Variants in RANBP2 observed in about 807,000 individuals in gnomAD.
RANBP2 encodes the protein RAN binding protein 2.
A neutral mutation model predicts 303.6 loss-of-function variants in RANBP2; 57 were observed. The observed-to-expected ratio is 0.19, with a 90% CI of 0.15 to 0.23. RANBP2 has a LOEUF of 0.23. Ranked by LOEUF, RANBP2 falls within the 10% of genes least tolerant of loss-of-function variation. The probability of loss-of-function intolerance (pLI) is 1.00; values close to 1 mark genes in which losing one functional copy is unlikely to be tolerated. For synonymous variants in RANBP2, 1,167 were observed against 1,301.5 expected, an observed-to-expected ratio of 0.90 and a Z score of 2.23; for missense variants, 3,138 against 3,780.8, an observed-to-expected ratio of 0.83 and a Z score of 4.46.
At chr2:109,577,224 T>G in the RANBP2 span, among the ~76,000 whole-genome samples, 1 of 152,162 alleles carries the variant, frequency 6.6e-6, no homozygotes, top group African/African-American at 2.4e-5. Context: ...TTCAAGTATG[T>G]GAGCGACACA....
the RANBP2 span, among the ~76,000 whole-genome samples, chr2:109,339,745 G>A: frequency 2.0e-5 from 3 of 152,168 alleles, no homozygotes; most frequent in African/African-American, 7.2e-5. Flanking sequence ...GCAAATACCA[G>A]CTCACAGCAT....
At chr2:109,663,633 A>T in the RANBP2 span, among the ~76,000 whole-genome samples, 1 of 152,228 alleles carries the variant, frequency 6.6e-6, no homozygotes, top group East Asian at 1.9e-4. Flanking sequence ...ACTCACAACT[A>T]TATTAGGAAG....
chr2:108,805,714 G>A, the RANBP2 span, among the ~76,000 whole-genome samples: 56 of 151,596 alleles, frequency 3.7e-4, no homozygotes, highest in African/African-American at 1.3e-3. Flanking sequence ...GCGACAGAGC[G>A]AGACTGTCTC....
At chr2:108,778,584 A>C (rs1286242709) in intron 25 of RANBP2, among the ~76,000 whole-genome samples, 3 of 152,238 alleles carry the variant, frequency 2.0e-5, no homozygotes, top group Non-Finnish European at 4.4e-5. Context: ...TATATTACAA[A>C]TACTTTTACA....
At chr2:108,814,832 C>T in the RANBP2 span, among the ~76,000 whole-genome samples, 2 of 151,834 alleles carry the variant, frequency 1.3e-5, no homozygotes, top group Non-Finnish European at 1.5e-5. Context: ...GACAGCGTTT[C>T]ACCATGTTGG....
chr2:109,395,581 G>A, the RANBP2 span, among the ~76,000 whole-genome samples: 9 of 152,158 alleles, frequency 5.9e-5, no homozygotes, highest in African/African-American at 1.2e-4. Context: ...TTTCAGCACC[G>A]GCCTTCGGCT....
the RANBP2 span, among the ~76,000 whole-genome samples, chr2:109,091,962 T>C: frequency 6.6e-6 from 1 of 151,950 alleles, no homozygotes; most frequent in Non-Finnish European, 1.5e-5. Flanking sequence ...TCTCCCTAAC[T>C]AGTAGGAAGA....
chr2:109,008,912 AAAAG>A, the RANBP2 span, among the ~76,000 whole-genome samples: 1 of 150,488 alleles, frequency 6.6e-6, no homozygotes, highest in African/African-American at 2.5e-5. Flanking sequence ...AAAAAAAAAG[AAAAG>A]AAAAGAAAAG....
chr2:109,475,684 G>A, the RANBP2 span, among the ~76,000 whole-genome samples: 1 of 152,296 alleles, frequency 6.6e-6, no homozygotes, highest in Non-Finnish European at 1.5e-5. Context: ...TTTCTACTTT[G>A]TGGATGCCAG....
At chr2:109,171,159 A>T in the RANBP2 span, among the ~76,000 whole-genome samples, 2 of 152,162 alleles carry the variant, frequency 1.3e-5, no homozygotes, top group Non-Finnish European at 2.9e-5. Flanking sequence ...GTTTTGTTTT[A>T]TATATATGTA....
the RANBP2 span, among the ~76,000 whole-genome samples, chr2:109,410,377 A>G: frequency 6.6e-6 from 1 of 152,256 alleles, no homozygotes; most frequent in Non-Finnish European, 1.5e-5. Context: ...GGCACTGCAC[A>G]GTCAGACTGA....
the RANBP2 span, among the ~76,000 whole-genome samples, chr2:109,697,631 T>C: frequency 6.6e-6 from 1 of 152,208 alleles, no homozygotes; most frequent in African/African-American, 2.4e-5. Context: ...ATCTTTTTTG[T>C]AACTTCTTTG....
At chr2:109,427,185 T>C in the RANBP2 span, among the ~76,000 whole-genome samples, 2 of 152,218 alleles carry the variant, frequency 1.3e-5, no homozygotes, top group African/African-American at 4.8e-5. Context: ...TCCCAGCTGG[T>C]CTCAAACTCC....
At chr2:109,487,831 G>C in the RANBP2 span, among the ~76,000 whole-genome samples, 1 of 152,188 alleles carries the variant, frequency 6.6e-6, no homozygotes, top group East Asian at 1.9e-4. Context: ...AGTTCATTCA[G>C]CAAACAAGTG....
At chr2:109,504,605 G>A in the RANBP2 span, 1 of 152,270 alleles carries the variant, frequency 6.6e-6, no homozygotes, top group Non-Finnish European at 1.5e-5. Context: ...CTGTGTTTCT[G>A]AGTCTTTAAA....
chr2:109,348,343 A>G, the RANBP2 span, among the ~76,000 whole-genome samples: 1,306 of 152,316 alleles, frequency 8.6e-3, 12 homozygotes, highest in South Asian at 0.013. Flanking sequence ...CATCAGGGGA[A>G]ACTGCTACAG....
At chr2:109,232,075 T>G in the RANBP2 span, among the ~76,000 whole-genome samples, 1 of 152,256 alleles carries the variant, frequency 6.6e-6, no homozygotes, top group Non-Finnish European at 1.5e-5. Flanking sequence ...GGGGCTATTA[T>G]GAACAATGCC....
At chr2:109,577,482 C>T in the RANBP2 span, among the ~76,000 whole-genome samples, 1 of 151,710 alleles carries the variant, frequency 6.6e-6, no homozygotes, top group African/African-American at 2.4e-5. Flanking sequence ...ATCCCAGGTA[C>T]TCAGGAGGCT....
intron 2 of RANBP2, among the ~76,000 whole-genome samples, chr2:108,730,431 T>TC (rs1440607238): frequency 1.3e-5 from 2 of 152,094 alleles, no homozygotes; most frequent in Non-Finnish European, 2.9e-5. Flanking sequence ...TTTACTATAA[T>TC]CACTTCTAAT....
Sources: allele counts gnomAD v4.1 joint callset (sites outside exome capture counted in the v4.1 genomes callset), GRCh38; gene constraint gnomAD v4.1.1; transcripts MANE v1.5; gene names NCBI Gene and HGNC (gene_info 2026-07-23, HGNC 2026-07-21).